Variants in PLCB1 observed in about 807,000 individuals in gnomAD.
The protein encoded by PLCB1 is 1-phosphatidylinositol 4,5-bisphosphate phosphodiesterase beta-1.
A neutral mutation model predicts 161.8 loss-of-function variants in PLCB1; 46 were observed. The ratio of observed to expected loss-of-function variants is 0.28; its 90% confidence interval spans 0.22 to 0.36. The LOEUF is 0.36. PLCB1 is among the 10% of genes least tolerant of loss of function. The probability of loss-of-function intolerance (pLI) is 1.00; values close to 1 mark genes in which losing one functional copy is unlikely to be tolerated. For synonymous variants in PLCB1, 517 were observed against 503.7 expected (o/e 1.03, Z -0.35); for missense variants, 1,016 against 1,472.5 (o/e 0.69, Z 5.07).
intron 3 of PLCB1, among the ~76,000 whole-genome samples, chr20:8,602,037 C>A (rs1987602020): frequency 6.6e-6 from 1 of 152,170 alleles, no homozygotes; most frequent in Non-Finnish European, 1.5e-5. Flanking sequence ...TCTGATGGTC[C>A]TCCAATGTCA....
At chr20:8,684,038 C>T (rs1990288944) in intron 9 of PLCB1, among the ~76,000 whole-genome samples, 1 of 151,334 alleles carries the variant, frequency 6.6e-6, no homozygotes. Flanking sequence ...CACCCGCCAC[C>T]ACACCCGGCT....
chr20:8,654,319 G>A (rs1989394836), intron 7 of PLCB1, among the ~76,000 whole-genome samples: 1 of 152,002 alleles, frequency 6.6e-6, no homozygotes, highest in Non-Finnish European at 1.5e-5. Flanking sequence ...CCTTCAAAAA[G>A]GCCAAACAAC....
At chr20:8,347,142 G>T (rs972904707) in intron 2 of PLCB1, among the ~76,000 whole-genome samples, 6 of 152,134 alleles carry the variant, frequency 3.9e-5, no homozygotes, top group African/African-American at 1.4e-4. Context: ...GCTATAAACA[G>T]AAAAGAATTA....
At chr20:8,707,988 A>G (rs977467886) in intron 11 of PLCB1, among the ~76,000 whole-genome samples, 4 of 152,158 alleles carry the variant, frequency 2.6e-5, no homozygotes, top group Non-Finnish European at 5.9e-5. Flanking sequence ...GAATACATAA[A>G]GTGATGAATG....
intron 3 of PLCB1, among the ~76,000 whole-genome samples, chr20:8,594,816 T>A (rs901839785): frequency 1.3e-5 from 2 of 152,194 alleles, no homozygotes; most frequent in African/African-American, 4.8e-5. Flanking sequence ...GTACCTTGTC[T>A]CCATTAGACA....
intron 31 of PLCB1, among the ~76,000 whole-genome samples, chr20:8,815,936 A>T (rs1261655459): frequency 1.3e-5 from 2 of 152,230 alleles, no homozygotes; most frequent in Admixed American, 6.5e-5. Flanking sequence ...AATAGAACAC[A>T]TATAACCTGT....
intron 3 of PLCB1, among the ~76,000 whole-genome samples, chr20:8,495,546 C>T (rs1320593490): frequency 7.1e-6 from 1 of 141,554 alleles, no homozygotes; most frequent in Non-Finnish European, 1.6e-5. Context: ...TACAGGCGCC[C>T]GCCACCATGG....
intron 3 of PLCB1, among the ~76,000 whole-genome samples, chr20:8,466,215 A>C (rs1311856867): frequency 2.6e-5 from 4 of 151,806 alleles, no homozygotes; most frequent in Non-Finnish European, 4.4e-5. Flanking sequence ...TCAGTAAACT[A>C]TCACAAGAAC....
chr20:8,224,748 C>A (rs969954333), intron 2 of PLCB1, among the ~76,000 whole-genome samples: 2 of 151,662 alleles, frequency 1.3e-5, no homozygotes, highest in Non-Finnish European at 2.9e-5. Flanking sequence ...CTGGCACCAT[C>A]CCCCCGCCCA....
At chr20:8,289,407 C>T (rs1240769673) in intron 2 of PLCB1, among the ~76,000 whole-genome samples, 3 of 152,110 alleles carry the variant, frequency 2.0e-5, no homozygotes, top group African/African-American at 7.2e-5. Flanking sequence ...AAAGCTGATG[C>T]TGCTGGTCTC....
chr20:8,340,462 G>A (rs1009528827), intron 2 of PLCB1, among the ~76,000 whole-genome samples: 1 of 151,836 alleles, frequency 6.6e-6, no homozygotes, highest in East Asian at 1.9e-4. Context: ...TCGCTCTGTC[G>A]CCCAGGCTGG....
intron 3 of PLCB1, among the ~76,000 whole-genome samples, chr20:8,484,648 G>A (rs778856779): frequency 4.6e-5 from 7 of 152,120 alleles, no homozygotes; most frequent in Admixed American, 2.0e-4. Flanking sequence ...CGGCCTGCTA[G>A]CTTCTTCTTT....
At chr20:8,232,662 G>A (rs1326922363) in intron 2 of PLCB1, among the ~76,000 whole-genome samples, 1 of 152,096 alleles carries the variant, frequency 6.6e-6, no homozygotes, top group Non-Finnish European at 1.5e-5. Context: ...GAAAGTCTGG[G>A]CCTTATAGTA....
chr20:8,444,295 T>G (rs191973644), intron 3 of PLCB1, among the ~76,000 whole-genome samples: 1 of 151,730 alleles, frequency 6.6e-6, no homozygotes, highest in South Asian at 2.1e-4. Context: ...CAGTGTTTGG[T>G]TTTTTGTCCT....
At chr20:8,358,491 T>C (rs1461746894) in intron 2 of PLCB1, among the ~76,000 whole-genome samples, 1 of 152,234 alleles carries the variant, frequency 6.6e-6, no homozygotes, top group Non-Finnish European at 1.5e-5. Context: ...CCTCAGGTGA[T>C]CCACCCACCT....
At chr20:8,500,555 A>G (rs1273954644) in intron 3 of PLCB1, among the ~76,000 whole-genome samples, 1 of 152,118 alleles carries the variant, frequency 6.6e-6, no homozygotes, top group Non-Finnish European at 1.5e-5. Flanking sequence ...CAACTACATA[A>G]TTTTTTCTGT....
chr20:8,594,582 T>C (rs1160022475), intron 3 of PLCB1, among the ~76,000 whole-genome samples: 3 of 152,016 alleles, frequency 2.0e-5, no homozygotes, highest in Non-Finnish European at 2.9e-5. Flanking sequence ...GTAACTTAAG[T>C]TTTCTGAGAG....
chr20:8,639,799 C>T (rs549207700), intron 4 of PLCB1, among the ~76,000 whole-genome samples: 55 of 151,410 alleles, frequency 3.6e-4, no homozygotes, highest in African/African-American at 1.2e-3. Flanking sequence ...AAATTATAAC[C>T]ATGATAAGCT....
At chr20:8,241,063 A>AT (rs1980585630) in intron 2 of PLCB1, among the ~76,000 whole-genome samples, 1 of 152,014 alleles carries the variant, frequency 6.6e-6, no homozygotes, top group Non-Finnish European at 1.5e-5. Flanking sequence ...CTGTGATCAC[A>AT]TATCTGCCAA....
Sources: allele counts gnomAD v4.1 joint callset (sites outside exome capture counted in the v4.1 genomes callset), GRCh38; gene constraint gnomAD v4.1.1; transcripts MANE v1.5; gene names NCBI Gene and HGNC (gene_info 2026-07-23, HGNC 2026-07-21).